The following GRID1 variants were observed in gnomAD, a reference collection of about 807,000 sequenced individuals.
GRID1 encodes the protein glutamate ionotropic receptor delta type subunit 1.
Under a neutral mutation model 98.0 loss-of-function variants are expected in GRID1, and 28 were observed. The observed-to-expected ratio is 0.29, with a 90% CI of 0.21 to 0.39. The LOEUF (loss-of-function observed/expected upper bound fraction) is 0.39, where lower values mean the gene tolerates loss of function less well. Ranked by LOEUF, GRID1 falls within the 10% of genes least tolerant of loss-of-function variation. GRID1 has a pLI of 1.00. For synonymous variants in GRID1, 553 were observed against 538.5 expected, an observed-to-expected ratio of 1.03 and a Z score of -0.37; for missense variants, 1,111 against 1,340.5, an observed-to-expected ratio of 0.83 and a Z score of 2.67.
chr10:86,139,540 A>G (rs1844981706), intron 3 of GRID1, among the ~76,000 whole-genome samples: 1 of 152,110 alleles, frequency 6.6e-6, no homozygotes, highest in Admixed American at 6.5e-5. Context: ...AGCCTGTATC[A>G]TGGCACCCCA....
rs567820023 is a variant in GRID1 at position 85,873,583 on chromosome 10, T to G, written c.781-4403A>C. ...AATAAAATATTACCCACATCTTGGT[T>G]GGATGCCTCCTTCTCAAAAGCTTAC... On this transcript the variant is annotated intron_variant, in intron 5 of 15. Transcript: ENST00000327946. 3.3e-5 allele frequency among the ~76,000 whole-genome samples: 5 copies of G among 152,366 alleles called. No individual in the cohort carries two copies. In the South Asian group the frequency reaches 1.0e-3, roughly 32 times the overall value.
At chr10:86,276,309 A>C (rs988719330) in intron 2 of GRID1, among the ~76,000 whole-genome samples, 7 of 152,170 alleles carry the variant, frequency 4.6e-5, no homozygotes, top group African/African-American at 4.8e-5. Flanking sequence ...CTCAGTGACC[A>C]AATTTTCCCA....
At chr10:86,342,939 C>A (rs1848331207) in intron 2 of GRID1, among the ~76,000 whole-genome samples, 1 of 152,236 alleles carries the variant, frequency 6.6e-6, no homozygotes. Flanking sequence ...ATGCCCAAGG[C>A]CAGGGCCAGT....
In GRID1 at chr10:86,366,585, G is replaced by A. The variant is rs1339788560; in HGVS notation, c.-193C>T. ...GCCCAGCCCAGCCCAGCCCAGCGCG[G>A]TCGGGCTCCCGCTCCGGCTCCGGTG... is the stretch of plus-strand genomic sequence containing the variant. On this transcript the variant is annotated 5_prime_UTR_variant, in exon 1 of 16. Transcript: ENST00000327946. The surrounding 1 kb of genome is among the most constrained non-coding windows in gnomAD (Gnocchi z 4.1). 4 of 216,374 alleles carry A rather than the reference G, an allele frequency of 1.8e-5. No homozygotes were observed. The highest frequency in any genetic ancestry group is 3.6e-5 in the Non-Finnish European group (4 of 111,872). 13.4% of individuals were successfully genotyped at this position (216,374 alleles called of 1,614,324 possible). A position where few individuals can be genotyped will look rare whatever the true frequency, so the allele number is the denominator to read the frequency against.
intron 4 of GRID1, among the ~76,000 whole-genome samples, chr10:86,064,949 A>C (rs1843698396): frequency 6.6e-6 from 1 of 152,256 alleles, no homozygotes; most frequent in Non-Finnish European, 1.5e-5. Flanking sequence ...TATATTAAAA[A>C]TTGAGATTCC....
At chr10:85,883,510 G>GTCTCTCTCTCTCTCTCTCTCTGTC (rs72270077) in intron 5 of GRID1, among the ~76,000 whole-genome samples, 1 of 136,840 alleles carries the variant, frequency 7.3e-6, no homozygotes, top group Non-Finnish European at 1.6e-5. Flanking sequence ...CTCTCTCTCT[G>GTCTCTCTCTCTCTCTCTCTCTGTC]TCTCTCTCTC....
At chr10:86,341,988 G>A (rs377292781) in intron 2 of GRID1, among the ~76,000 whole-genome samples, 1 of 152,180 alleles carries the variant, frequency 6.6e-6, no homozygotes, top group Admixed American at 6.5e-5. Flanking sequence ...GTGAGATGGG[G>A]AGCAAGTCCT....
At chr10:86,029,006 C>T (rs1424062998) in intron 4 of GRID1, among the ~76,000 whole-genome samples, 1 of 152,194 alleles carries the variant, frequency 6.6e-6, no homozygotes, top group East Asian at 1.9e-4. Flanking sequence ...TTAAGCATCC[C>T]TCTAATGCTA....
rs146073286 is a variant in GRID1, at chr10:85,821,475, C to T, written c.1233+33021G>A. On this transcript the variant is annotated intron_variant, in intron 8 of 15. Coordinates refer to ENST00000327946, the MANE Select transcript of GRID1 (RefSeq NM_017551.3). ...GAGGTTGCAGTGAGCTGAGATTGTG[C>T]CACTGCACTCCAGCCTGGGTGACAG... Among the ~76,000 whole-genome samples the T allele has an allele frequency of 6.0e-3, 817 of 136,346 alleles. 7 individuals are homozygous for T. Among genetic ancestry groups the T allele is most frequent in the African/African-American group, 0.021 (763 of 35,666 alleles). The allele number at this position is 136,346 out of a possible 152,430, so 89.4% of individuals were successfully genotyped here.
At chr10:86,225,595 C>T (rs895880645) in intron 2 of GRID1, among the ~76,000 whole-genome samples, 1 of 152,152 alleles carries the variant, frequency 6.6e-6, no homozygotes, top group Non-Finnish European at 1.5e-5. Context: ...TCCAGCCCCA[C>T]CTAGACATGA....
At chr10:86,113,124 C>T (rs75525020) in intron 4 of GRID1, among the ~76,000 whole-genome samples, 2 of 152,278 alleles carry the variant, frequency 1.3e-5, no homozygotes, top group East Asian at 3.9e-4. Flanking sequence ...TTCATGCTTG[C>T]CTTCTTAAAG....
chr10:85,850,807 T>G (rs759069329), intron 8 of GRID1, among the ~76,000 whole-genome samples: 3 of 152,220 alleles, frequency 2.0e-5, no homozygotes, highest in Non-Finnish European at 4.4e-5. Flanking sequence ...TCATATTACC[T>G]GTAACTTTCC....
At chr10:85,716,703 A>AC (rs1420683367) in intron 12 of GRID1, among the ~76,000 whole-genome samples, 1 of 148,382 alleles carries the variant, frequency 6.7e-6, no homozygotes, top group African/African-American at 2.4e-5. Context: ...ATACATATAT[A>AC]ATATATAAAT....
intron 12 of GRID1, among the ~76,000 whole-genome samples, chr10:85,685,500 T>G (rs1045662585): frequency 1.3e-5 from 2 of 152,098 alleles, no homozygotes; most frequent in African/African-American, 4.8e-5. Context: ...ATCTGTAAAT[T>G]CAATATAATG....
Position 85,602,736 on chromosome 10 carries a change from C to A in GRID1, c.2602-35G>T, listed in dbSNP as rs777464465. On this transcript the variant is annotated intron_variant, in intron 15 of 15. Coordinates refer to ENST00000327946, the MANE Select transcript of GRID1 (RefSeq NM_017551.3). The stretch of plus-strand genomic sequence containing the variant: ...AGGCATAGGAAGGTCAGGTGGAGCC[C>A]TAACAGTGAGTCAAGGCTGGCTTGC... 21 of 1,516,292 alleles carry A rather than the reference C, an allele frequency of 1.4e-5. 1 individual carries two copies. The South Asian group carries it at 2.5e-4, about 18-fold the overall frequency. The allele number at this position is 1,516,292 out of a possible 1,614,324, so 93.9% of individuals were successfully genotyped here.
intron 12 of GRID1, among the ~76,000 whole-genome samples, chr10:85,706,218 G>T (rs1026507347): frequency 2.0e-5 from 3 of 152,134 alleles, no homozygotes; most frequent in Non-Finnish European, 4.4e-5. Context: ...AAACCGCATC[G>T]TCTCAGCCCA....
chr10:86,211,488 G>C (rs1438372246), intron 2 of GRID1, among the ~76,000 whole-genome samples: 1 of 152,314 alleles, frequency 6.6e-6, no homozygotes, highest in East Asian at 1.9e-4. Context: ...TCGGCATTGG[G>C]GGTGTGGGGG....
chr10:85,801,288 A>G (rs1266639995), intron 8 of GRID1, among the ~76,000 whole-genome samples: 1 of 151,934 alleles, frequency 6.6e-6, no homozygotes, highest in Non-Finnish European at 1.5e-5. Flanking sequence ...TTCATAGGCA[A>G]TTTTTACTAA....
intron 2 of GRID1, among the ~76,000 whole-genome samples, chr10:86,261,412 C>G (rs768256872): frequency 2.6e-5 from 4 of 152,202 alleles, no homozygotes; most frequent in Non-Finnish European, 4.4e-5. Flanking sequence ...AGCACAGAGC[C>G]TGGCACTGGG....
Sources: gnomAD v4.1 joint callset for allele counts (sites outside exome capture counted in the v4.1 genomes callset) on GRCh38, gnomAD v4.1.1 for gene constraint, Gnocchi (gnomAD v3.1) non-coding constraint, MANE v1.5 for transcripts, NCBI Gene and HGNC (gene_info 2026-07-23, HGNC 2026-07-21) for gene names.